The following INTS6 variants were observed in gnomAD, a reference collection of about 807,000 sequenced individuals.
INTS6 encodes the protein DEAD box protein.
A neutral mutation model predicts 104.9 loss-of-function variants in INTS6; 16 were observed. The observed-to-expected ratio is 0.15, with a 90% confidence interval of 0.10 to 0.23. The LOEUF is 0.23. Among genes scored for constraint, INTS6 ranks in the 10% least tolerant of loss-of-function variants. The probability of loss-of-function intolerance (pLI) is 1.00; values close to 1 mark genes in which losing one functional copy is unlikely to be tolerated. For missense variants in INTS6, 584 were observed against 1,062.8 expected, an observed-to-expected ratio of 0.55 and a Z score of 6.26; for synonymous variants, 324 against 358.7, an observed-to-expected ratio of 0.90 and a Z score of 1.09.
In INTS6 at chr13:51,407,837, C is replaced by T. The variant is rs1453570336; in HGVS notation, c.430-12354G>A. On this transcript the variant is annotated intron_variant, in intron 4 of 17. Transcript: ENST00000311234. ...TTTGAGACCAGTCTGGCCAACACAG[C>T]AAAAGCTCGTCTGTACTAAAAATAC... Among the ~76,000 whole-genome samples the T allele has an allele frequency of 2.6e-5, 4 of 151,770 alleles. No individual in the cohort carries two copies. The East Asian group carries it at 7.9e-4, about 30-fold the overall frequency.
At chr13:51,337,331 G>A in the INTS6 span, among the ~76,000 whole-genome samples, 5 of 152,176 alleles carry the variant, frequency 3.3e-5, no homozygotes, top group Non-Finnish European at 7.3e-5. Flanking sequence ...ATTTGAAAGT[G>A]ATTTGTTTAT....
chr13:51,398,824 G>T (rs1478360431), intron 4 of INTS6, among the ~76,000 whole-genome samples: 1 of 151,068 alleles, frequency 6.6e-6, no homozygotes, highest in African/African-American at 2.4e-5. Context: ...CAATAAATAA[G>T]CTGCAGTCTG....
In INTS6 at chr13:51,374,801, C is replaced by G; in HGVS notation, c.1730-5G>C. The G allele has an allele frequency of 1.2e-6, 2 of 1,608,978 alleles. No individual in the cohort carries two copies. Among genetic ancestry groups the G allele is most frequent in the Non-Finnish European group, 1.7e-6 (2 of 1,178,484 alleles). ...TAGGAACACTGTGCACTTGATCTTT[C>G]AAAAAGAATACAACAGCAAAAAAAG... is the stretch of plus-strand genomic sequence containing the variant. On this transcript the variant is annotated splice_polypyrimidine_tract_variant and splice_region_variant and intron_variant, in intron 13 of 17. Transcript: ENST00000311234.
chr13:51,414,833 TACACAC>T (rs151197136), intron 4 of INTS6, among the ~76,000 whole-genome samples: 54 of 143,044 alleles, frequency 3.8e-4, no homozygotes, highest in East Asian at 1.7e-3. Context: ...AGTTCTTCTA[TACACAC>T]ACACACACAC....
intron 4 of INTS6, among the ~76,000 whole-genome samples, chr13:51,428,072 T>G (rs1244146156): frequency 1.3e-5 from 2 of 152,152 alleles, no homozygotes; most frequent in Non-Finnish European, 2.9e-5. Context: ...ACAAAATACA[T>G]TGTACCCCAA....
rs1257267515 is a variant in INTS6 at position 51,364,401 on chromosome 13, T to G, written c.*1351A>C. The G allele has an allele frequency of 1.9e-5, 10 of 531,044 alleles. No individual in the cohort carries two copies. The East Asian group carries it at 2.9e-4, about 15-fold the overall frequency. The allele number at this position is 531,044 out of a possible 1,614,324, so 32.9% of individuals were successfully genotyped here. ...TGTAAAAAGCTAAGGGTATGTGATT[T>G]TCAATATTATAAACCTAAAAATACT... On this transcript the variant is annotated 3_prime_UTR_variant, in exon 18 of 18. Transcript: ENST00000311234.
intron 3 of INTS6, chr13:51,446,005 A>G (rs1460428994): frequency 6.6e-6 from 1 of 152,238 alleles, no homozygotes; most frequent in Non-Finnish European, 1.5e-5. Flanking sequence ...AGCTTCAGTG[A>G]CATTGGATTT....
Position 51,451,029 on chromosome 13 carries a change from C to A in INTS6, c.335G>T (p.Gly112Val). 2 of 1,520,178 alleles carry A rather than the reference C, an allele frequency of 1.3e-6. No individual in the cohort carries two copies. The highest frequency in any genetic ancestry group is 8.8e-7 in the Non-Finnish European group (1 of 1,138,002). The allele number at this position is 1,520,178 out of a possible 1,614,324, so 94.2% of individuals were successfully genotyped here. A position where few individuals can be genotyped will look rare whatever the true frequency, so the allele number is the denominator to read the frequency against. The change falls in exon 3 of 18, where the codon GGG becomes GTG. Residue 112 changes from glycine to valine, a missense_variant. Gly to Val is a moderately radical substitution (Grantham distance 109, BLOSUM62 -3). Coordinates refer to ENST00000311234, the MANE Select transcript of INTS6 (RefSeq NM_012141.3). ...NRLVTGIDNY[G>V]QGRNPFFLEP... ...CCACCTTATTATTCAACCTACCTGC[C>A]CATAGTTGTCTATGCCAGTTACTAA...
intron 9 of INTS6, among the ~76,000 whole-genome samples, chr13:51,382,659 C>T (rs1180975440): frequency 6.6e-6 from 1 of 151,390 alleles, no homozygotes; most frequent in East Asian, 1.9e-4. Context: ...GCACTCAGAT[C>T]TTGTTAACTA....
At chr13:51,432,849 C>T (rs992439010) in intron 3 of INTS6, among the ~76,000 whole-genome samples, 11 of 152,138 alleles carry the variant, frequency 7.2e-5, no homozygotes, top group Non-Finnish European at 1.6e-4. Flanking sequence ...TGAGTGGTTA[C>T]TATTAAGTGT....
At chr13:51,397,405 A>G (rs1956358358) in intron 4 of INTS6, among the ~76,000 whole-genome samples, 1 of 152,238 alleles carries the variant, frequency 6.6e-6, no homozygotes, top group Non-Finnish European at 1.5e-5. Flanking sequence ...GACAGAAGTC[A>G]TGAGTTCTTT....
intron 5 of INTS6, among the ~76,000 whole-genome samples, chr13:51,393,805 T>G (rs1372064366): frequency 1.3e-5 from 2 of 152,220 alleles, no homozygotes; most frequent in African/African-American, 4.8e-5. Context: ...GACTGCTACA[T>G]GATGTCTCAT....
chr13:51,372,741 C>T (rs1422720282), intron 15 of INTS6, among the ~76,000 whole-genome samples: 1 of 152,222 alleles, frequency 6.6e-6, no homozygotes, highest in Admixed American at 6.5e-5. Context: ...TGACCAGTAA[C>T]CAAGTCCTTC....
downstream of INTS6, among the ~76,000 whole-genome samples, chr13:51,358,156 G>A (rs776337966): frequency 1.3e-5 from 2 of 152,080 alleles, no homozygotes; most frequent in Non-Finnish European, 2.9e-5. Context: ...CGGGTGCTAT[G>A]TGTTTCTCTC....
rs145984715 is a variant in INTS6 at position 51,369,194 on chromosome 13, G to A, written c.2221C>T (p.Pro741Ser). The change falls in exon 16 of 18, where the codon CCA (proline) becomes TCA (serine). Residue 741 changes from proline to serine, a missense_variant. Coordinates refer to ENST00000311234, the MANE Select transcript of INTS6 (RefSeq NM_012141.3). Reference sequence around the variant, plus strand: ...GTTGGCCGTTCCAGTAAACTGGCTGGAGAAGATGCTGAAAATTCCGTATCC... The same window carrying A: ...GTTGGCCGTTCCAGTAAACTGGCTGAAGAAGATGCTGAAAATTCCGTATCC... ...AMDTEFSASS[P>S]ASLLERPTNH... 4.3e-6 allele frequency: 7 copies of A among 1,613,846 alleles called. No homozygotes were observed. The African/African-American group carries it at 6.7e-5, about 15-fold the overall frequency.
chr13:51,450,553 T>A (rs1383371547), intron 3 of INTS6: 7 of 985,388 alleles, frequency 7.1e-6, no homozygotes, highest in Non-Finnish European at 8.4e-6. Context: ...TGTACTCCAG[T>A]GAAAAACTTC....
At chr13:51,358,650 T>G (rs1955517128), downstream of INTS6, among the ~76,000 whole-genome samples, 1 of 152,124 alleles carries the variant, frequency 6.6e-6, no homozygotes, top group South Asian at 2.1e-4. Flanking sequence ...CCAAGTATTT[T>G]TAATGTAAGT....
At chr13:51,342,218 G>A in the INTS6 span, among the ~76,000 whole-genome samples, 429 of 149,944 alleles carry the variant, frequency 2.9e-3, 6 homozygotes, top group East Asian at 9.7e-4. Flanking sequence ...TGAGCTCTGC[G>A]GCCTCACGTT....
chr13:51,408,749 TAA>T (rs1956624977), intron 4 of INTS6, among the ~76,000 whole-genome samples: 1 of 152,168 alleles, frequency 6.6e-6, no homozygotes. Context: ...TCACACAAGT[TAA>T]GAGACTGATA....
Sources: allele counts gnomAD v4.1 joint callset (sites outside exome capture counted in the v4.1 genomes callset), GRCh38; gene constraint gnomAD v4.1.1; transcripts MANE v1.5; gene names NCBI Gene and HGNC (gene_info 2026-07-23, HGNC 2026-07-21).